MYO18B: variants seen among roughly 807,000 people sequenced by gnomAD.
The protein encoded by MYO18B is myosin XVIIIB.
A neutral mutation model predicts 273.0 loss-of-function variants in MYO18B; 204 were observed. The ratio of observed to expected loss-of-function variants is 0.75; its 90% CI spans 0.67 to 0.84. The LOEUF (loss-of-function observed/expected upper bound fraction) is 0.84. Among genes scored for constraint, MYO18B ranks in the 40% least tolerant of loss-of-function variants. MYO18B has a pLI of 0.00. For missense variants in MYO18B, 3,212 were observed against 3,287.6 expected (o/e 0.98, Z 0.56); for synonymous variants, 1,330 against 1,305.7 (o/e 1.02, Z -0.40).
At chr22:25,895,473 T>C in intron 28 of MYO18B, 193 bp downstream of exon 28, 1 of 606,650 alleles carries the variant, frequency 1.6e-6, no homozygotes, top group Non-Finnish European at 2.8e-6. Flanking sequence ...TGTCTGTACA[T>C]GTGGATCTTC....
chr22:25,990,727 G>GAAAAAGA (rs2093260570), intron 39 of MYO18B, among the ~76,000 whole-genome samples: 4 of 31,124 alleles, frequency 1.3e-4, no homozygotes. Context: ...AAAAGAAAAA[G>GAAAAAGA]AAAAAAAAAA....
intron 15 of MYO18B, among the ~76,000 whole-genome samples, chr22:25,830,065 A>T (rs571527443): frequency 5.7e-4 from 87 of 152,218 alleles, no homozygotes; most frequent in Non-Finnish European, 1.1e-3. Flanking sequence ...AGAATATTAG[A>T]AATGGCCATA....
chr22:25,825,014 C>CAT (rs1365203505), intron 13 of MYO18B, among the ~76,000 whole-genome samples: 6 of 142,882 alleles, frequency 4.2e-5, no homozygotes, highest in South Asian at 2.1e-4. Flanking sequence ...AACATGTGCA[C>CAT]AGATATATAT....
In MYO18B at chr22:25,931,813, G is replaced by C. The variant is rs569076840; in HGVS notation, c.5517+10404G>C. Among the ~76,000 whole-genome samples, 12 of 149,854 alleles carry C rather than the reference G, an allele frequency of 8.0e-5. No homozygotes were observed. In the South Asian group the frequency reaches 2.5e-3, roughly 32 times the overall value. On this transcript the variant is annotated intron_variant, in intron 34 of 43. Coordinates refer to ENST00000335473, the MANE Select transcript of MYO18B (RefSeq NM_032608.7). ...TCCTCCCACCTCAGCCTCCCAAGTA[G>C]CTGGCATGTGCCACCATGCCCTGCT...
intron 11 of MYO18B, among the ~76,000 whole-genome samples, chr22:25,789,080 TTCTTCCTCCTCCTTCTTCTTCCTCC>T (rs71191079): frequency 3.5e-4 from 4 of 11,536 alleles, no homozygotes; most frequent in Non-Finnish European, 3.0e-3. Context: ...CTCCTCCTTC[TTCTTCCTCCTCCTTCTTCTTCCTCC>T]TCCTCCTCCT....
intron 42 of MYO18B, among the ~76,000 whole-genome samples, chr22:26,014,382 G>A (rs892507781): frequency 5.9e-5 from 9 of 152,132 alleles, no homozygotes; most frequent in South Asian, 4.1e-4. Flanking sequence ...AACCAATATA[G>A]CATTGGAAGT....
chr22:25,967,652 G>C (rs2092993914), intron 39 of MYO18B, among the ~76,000 whole-genome samples: 1 of 152,176 alleles, frequency 6.6e-6, no homozygotes, highest in Non-Finnish European at 1.5e-5. Flanking sequence ...AATATAACTT[G>C]TCTAGGTTAT....
chr22:25,878,213 G>A (rs2091253821), intron 25 of MYO18B, among the ~76,000 whole-genome samples, 165 bp downstream of exon 25: 1 of 152,142 alleles, frequency 6.6e-6, no homozygotes, highest in South Asian at 2.1e-4. Context: ...TTACAGTGGA[G>A]GAAATTGAGG....
At chr22:25,746,918 G>A (rs1386874203) in intron 1 of MYO18B, among the ~76,000 whole-genome samples, 8 of 152,096 alleles carry the variant, frequency 5.3e-5, no homozygotes, top group Admixed American at 2.0e-4. Flanking sequence ...TCAGGAGATC[G>A]AGACCATCCT....
intron 33 of MYO18B, among the ~76,000 whole-genome samples, chr22:25,916,474 A>G (rs2092262252): frequency 6.6e-6 from 1 of 152,166 alleles, no homozygotes; most frequent in African/African-American, 2.4e-5. Flanking sequence ...CATTTAAGAT[A>G]ATACATTTAC....
At chr22:26,059,642 C>T in the MYO18B span, among the ~76,000 whole-genome samples, 2 of 152,202 alleles carry the variant, frequency 1.3e-5, no homozygotes, top group Non-Finnish European at 2.9e-5. Flanking sequence ...GATCAATTTC[C>T]ACTTGAACAT....
At chr22:26,039,044 A>G in the MYO18B span, among the ~76,000 whole-genome samples, 1 of 152,156 alleles carries the variant, frequency 6.6e-6, no homozygotes, top group Non-Finnish European at 1.5e-5. Context: ...TATTCGAGGT[A>G]AAGAAGCATC....
the MYO18B span, among the ~76,000 whole-genome samples, chr22:26,040,253 C>T: frequency 6.6e-6 from 1 of 152,228 alleles, no homozygotes; most frequent in South Asian, 2.1e-4. Flanking sequence ...TTTATCCATT[C>T]GCTGGTCCAT....
chr22:26,015,216 C>T (rs956516780), intron 42 of MYO18B, among the ~76,000 whole-genome samples: 48 of 152,250 alleles, frequency 3.2e-4, no homozygotes, highest in African/African-American at 1.1e-3. Context: ...TTTAATCCAT[C>T]TTGACTATTG....
intron 22 of MYO18B, among the ~76,000 whole-genome samples, chr22:25,873,969 G>T (rs1180208453): frequency 6.6e-6 from 1 of 152,206 alleles, no homozygotes; most frequent in Non-Finnish European, 1.5e-5. Context: ...GGGGGATTGT[G>T]TTAAAGTGCA....
chr22:26,030,972 G>A lies in MYO18B; in HGVS notation c.*542G>A, dbSNP rs149992696. ...CCTGTGTATGTATAAGTGTGTACAA[G>A]CATTCAAGAAACTGATGAATGATGA... On this transcript the variant is annotated 3_prime_UTR_variant, in exon 44 of 44. Transcript: ENST00000335473. 4.8e-4 allele frequency: 190 copies of A among 398,462 alleles called. No individual in the cohort carries two copies. The East Asian group carries it at 5.9e-3, about 12-fold the overall frequency. The allele number at this position is 398,462 out of a possible 1,614,324, so 24.7% of individuals were successfully genotyped here. A position where few individuals can be genotyped will look rare whatever the true frequency, so the allele number is the denominator to read the frequency against.
the MYO18B span, among the ~76,000 whole-genome samples, chr22:26,053,607 A>G: frequency 1.3e-5 from 2 of 152,360 alleles, no homozygotes; most frequent in Admixed American, 1.3e-4. Context: ...ATAGTTGCCT[A>G]AAAATTTTCC....
chr22:25,993,320 T>A (rs914616481), intron 40 of MYO18B, among the ~76,000 whole-genome samples: 5 of 152,102 alleles, frequency 3.3e-5, no homozygotes, highest in Non-Finnish European at 2.9e-5. Flanking sequence ...TTGCCACACA[T>A]CCCTGCCCCC....
At chr22:25,835,837 G>A (rs901066034) in intron 17 of MYO18B, among the ~76,000 whole-genome samples, 7 of 152,252 alleles carry the variant, frequency 4.6e-5, no homozygotes, top group Non-Finnish European at 1.0e-4. Context: ...GGAACACGAT[G>A]CAGGACAAGT....
Sources: gnomAD v4.1 joint callset for allele counts (sites outside exome capture counted in the v4.1 genomes callset) on GRCh38, gnomAD v4.1.1 for gene constraint, MANE v1.5 for transcripts, NCBI Gene and HGNC (gene_info 2026-07-23, HGNC 2026-07-21) for gene names.